Variants in WDR37 observed in about 807,000 individuals in gnomAD.
WDR37 encodes the protein WD repeat domain 37, also known as WD repeat-containing protein 37.
A neutral mutation model predicts 62.9 loss-of-function variants in WDR37; 19 were observed. That is an observed-to-expected ratio of 0.30 (90% CI 0.21 to 0.44). The LOEUF is 0.44. WDR37 is among the 20% of genes least tolerant of loss of function. The pLI is 1.00. For missense variants in WDR37, 474 were observed against 657.6 expected, an observed-to-expected ratio of 0.72 and a Z score of 3.05; for synonymous variants, 250 against 260.9, an observed-to-expected ratio of 0.96 and a Z score of 0.40.
intron 1 of WDR37, among the ~76,000 whole-genome samples, chr10:1,058,010 T>C (rs1833249642): frequency 6.6e-6 from 1 of 152,244 alleles, no homozygotes; most frequent in Non-Finnish European, 1.5e-5. Context: ...ACTGTTCTGG[T>C]TACTTTCCTG....
rs1052883878 is a variant in WDR37 at position 1,056,773 on chromosome 10, C to G, written c.-236C>G. ...GGGCGGCTTCCGGAGAACCCAGCGGCGCGGGACTGGGGCGGGACTTCCGGC... is the reference window on the plus strand; with the variant it reads ...GGGCGGCTTCCGGAGAACCCAGCGGGGCGGGACTGGGGCGGGACTTCCGGC... On this transcript the variant is annotated 5_prime_UTR_variant, in exon 1 of 14. Coordinates refer to ENST00000263150, the MANE Select transcript of WDR37 (RefSeq NM_014023.4). 5 of 152,226 alleles carry G rather than the reference C, an allele frequency of 3.3e-5. No individual in the cohort carries two copies. The highest frequency in any genetic ancestry group is 1.2e-4 in the African/African-American group (5 of 41,430). The allele number at this position is 152,226 out of a possible 1,614,324, so 9.4% of individuals were successfully genotyped here. A position where few individuals can be genotyped will look rare whatever the true frequency, so the allele number is the denominator to read the frequency against.
At chr10:1,090,114 C>A (rs1435926538) in intron 7 of WDR37, among the ~76,000 whole-genome samples, 3 of 151,524 alleles carry the variant, frequency 2.0e-5, no homozygotes, top group East Asian at 1.9e-4. Context: ...TTATAGGTGC[C>A]CGCCACCACG....
intron 11 of WDR37, among the ~76,000 whole-genome samples, chr10:1,116,463 C>G (rs1835405264): frequency 1.3e-5 from 2 of 152,360 alleles, no homozygotes; most frequent in South Asian, 4.1e-4. Context: ...CGCTCTTTGT[C>G]TTTCAGTGTT....
chr10:1,074,518 C>T, intron 2 of WDR37: 1 of 1,304,078 alleles, frequency 7.7e-7, no homozygotes, highest in Non-Finnish European at 1.0e-6. Flanking sequence ...TGTAAGTGGC[C>T]CCCGTGAGGT....
At position 1,105,948 on chromosome 10, in the gene WDR37, G is replaced by C. The variant is rs1834999342; in HGVS notation, c.1103+681G>C. Among the ~76,000 whole-genome samples the C allele has an allele frequency of 6.6e-6, 1 of 152,032 alleles. No individual in the cohort carries two copies. Among genetic ancestry groups the C allele is most frequent in the Non-Finnish European group, 1.5e-5 (1 of 68,006 alleles). On this transcript the variant is annotated intron_variant, in intron 11 of 13. Coordinates refer to ENST00000263150, the MANE Select transcript of WDR37 (RefSeq NM_014023.4). The surrounding 1 kb of genome is among the most constrained non-coding windows in gnomAD (Gnocchi z 5.3). ...CTAGAGGCACCTGCCACCACGCCTG[G>C]CTAGTTTTTTGTATTTTTAGTAGAG... is the stretch of plus-strand genomic sequence containing the variant.
intron 7 of WDR37, among the ~76,000 whole-genome samples, chr10:1,089,752 A>C: frequency 6.6e-6 from 1 of 151,920 alleles, no homozygotes; most frequent in African/African-American, 2.4e-5. Flanking sequence ...CACCGTCACC[A>C]TCTGCTCTTC....
chr10:1,122,480 C>T (rs1835618285), intron 11 of WDR37, among the ~76,000 whole-genome samples: 1 of 152,200 alleles, frequency 6.6e-6, no homozygotes, highest in Non-Finnish European at 1.5e-5. Context: ...TCAGACCATG[C>T]CTTCCTGGGT....
At chr10:1,126,180 C>T (rs909737544) in intron 13 of WDR37, among the ~76,000 whole-genome samples, 32 of 152,194 alleles carry the variant, frequency 2.1e-4, no homozygotes, top group South Asian at 4.1e-4. Flanking sequence ...CTGAGGCGGG[C>T]AGATCACGAG....
intron 5 of WDR37, among the ~76,000 whole-genome samples, chr10:1,080,779 GC>G (rs372190082): frequency 2.0e-5 from 3 of 151,926 alleles, no homozygotes; most frequent in African/African-American, 7.3e-5. Context: ...GGTGGCGGGT[GC>G]CTGTAATCCC....
At position 1,061,232 on chromosome 10, in the gene WDR37, CATTA is replaced by C. The variant is rs375527402; in HGVS notation, c.-41+4268_-41+4271del. Among the ~76,000 whole-genome samples, 1,287 of 152,264 alleles carry C rather than the reference CATTA, an allele frequency of 8.5e-3. 13 individuals carry two copies. The highest frequency in any genetic ancestry group is 0.021 in the African/African-American group (868 of 41,544). On this transcript the variant is annotated intron_variant, in intron 1 of 13. Transcript: ENST00000263150. ...CACCAACTTTCTTCCAGTATCTCTC[CATTA>C]ATTCTTTCTGTTTTCACTTCCCTTC... is the stretch of plus-strand genomic sequence containing the variant.
chr10:1,077,951 G>A lies in WDR37; in HGVS notation c.183G>A (p.Leu61=). 1 of 1,612,000 alleles carries A rather than the reference G, an allele frequency of 6.2e-7. No individual in the cohort carries two copies. The highest frequency in any genetic ancestry group is 8.5e-7 in the Non-Finnish European group (1 of 1,178,960). Residue 61 remains leucine (L), a synonymous_variant, in exon 3 of 14, where the codon CTG becomes CTA. Transcript: ENST00000263150. Reference sequence around the variant, plus strand: ...CGGTTCGCAGTACACTTCTGGAACTGTTTGGTCAAATAGAAAGAGAATTTG... The same window carrying A: ...CGGTTCGCAGTACACTTCTGGAACTATTTGGTCAAATAGAAAGAGAATTTG... ...PSSVRSTLLE[L]FGQIEREFEN...
At chr10:1,113,525 G>A (rs534541216) in intron 11 of WDR37, among the ~76,000 whole-genome samples, 2 of 152,294 alleles carry the variant, frequency 1.3e-5, no homozygotes, top group South Asian at 2.1e-4. Context: ...CCTTGGCAAC[G>A]TCAATTGAGC....
In WDR37 at chr10:1,093,490, C is replaced by G. The variant is rs757237738; in HGVS notation, c.643C>G (p.Leu215Val). The G allele has an allele frequency of 4.4e-6, 7 of 1,608,950 alleles. No homozygotes were observed. The highest frequency in any genetic ancestry group is 3.3e-5 in the South Asian group (3 of 90,250). The part of the protein sequence containing the change: ...IKFHPSEQLA[L>V]TASGDQTAHI... The stretch of plus-strand genomic sequence containing the variant: ...ATTTCATCCCTCAGAGCAGTTGGCT[C>G]TCACTGGTATGTTGATTTTTTTCTT... Residue 215 changes from leucine to valine, a missense_variant, in exon 8 of 14, where the codon CTC becomes GTC. Physicochemically the swap from Leu to Val is conservative, Grantham distance 32. Transcript: ENST00000263150.
At chr10:1,057,775 C>T (rs920565970) in intron 1 of WDR37, among the ~76,000 whole-genome samples, 4 of 152,098 alleles carry the variant, frequency 2.6e-5, no homozygotes, top group Admixed American at 6.5e-5. Context: ...CTAAAACATT[C>T]GTCCCTTGAA....
chr10:1,111,418 A>C lies in WDR37; in HGVS notation c.1103+6151A>C, dbSNP rs538541610. Among the ~76,000 whole-genome samples the C allele has an allele frequency of 2.0e-5, 3 of 152,236 alleles. No individual in the cohort carries two copies. In the East Asian group the frequency reaches 5.8e-4, roughly 29 times the overall value. On this transcript the variant is annotated intron_variant, in intron 11 of 13. Coordinates refer to ENST00000263150, the MANE Select transcript of WDR37 (RefSeq NM_014023.4). Reference sequence around the variant, plus strand: ...TCTTTTTTTTCTTACTGTAATCCCCATACTTTTACTTGCATTCTGTGCCTT... The same window carrying C: ...TCTTTTTTTTCTTACTGTAATCCCCCTACTTTTACTTGCATTCTGTGCCTT...
intron 7 of WDR37, among the ~76,000 whole-genome samples, chr10:1,089,235 C>T (rs1274811331): frequency 6.6e-6 from 1 of 152,006 alleles, no homozygotes; most frequent in Non-Finnish European, 1.5e-5. Flanking sequence ...CTGGCCCGCT[C>T]CTTCCTGGCT....
intron 1 of WDR37, among the ~76,000 whole-genome samples, chr10:1,069,389 AT>A (rs377212232): frequency 0.036 from 3,426 of 95,720 alleles, 110 homozygotes; most frequent in Middle Eastern, 0.056. Flanking sequence ...ATATATATAT[AT>A]TTTTTTTTTT....
chr10:1,120,700 G>T (rs1835549796), intron 11 of WDR37, among the ~76,000 whole-genome samples: 1 of 152,184 alleles, frequency 6.6e-6, no homozygotes, highest in South Asian at 2.1e-4. Flanking sequence ...AGGAAGCTGC[G>T]TTTTAAAAAT....
At chr10:1,063,986 C>T (rs1299691659) in intron 1 of WDR37, among the ~76,000 whole-genome samples, 1 of 152,126 alleles carries the variant, frequency 6.6e-6, no homozygotes, top group Non-Finnish European at 1.5e-5. Context: ...CTGATGCCAA[C>T]GTAGAGATGA....
Sources: gnomAD v4.1 joint callset for allele counts (sites outside exome capture counted in the v4.1 genomes callset) on GRCh38, gnomAD v4.1.1 for gene constraint, Gnocchi (gnomAD v3.1) non-coding constraint, MANE v1.5 for transcripts, NCBI Gene and HGNC (gene_info 2026-07-23, HGNC 2026-07-21) for gene names.